The following ITGA9 variants were observed in gnomAD, a reference collection of about 807,000 sequenced individuals.
The protein encoded by ITGA9 is integrin subunit alpha 9.
Under a neutral mutation model 127.8 loss-of-function variants are expected in ITGA9, and 56 were observed. The observed-to-expected ratio is 0.44, with a 90% confidence interval of 0.35 to 0.55. The LOEUF (loss-of-function observed/expected upper bound fraction) is 0.55. ITGA9 is among the 20% of genes least tolerant of loss of function. ITGA9 has a pLI of 0.00. For missense variants in ITGA9, 1,196 were observed against 1,347.1 expected, an observed-to-expected ratio of 0.89 and a Z score of 1.76; for synonymous variants, 508 against 514.5, an observed-to-expected ratio of 0.99 and a Z score of 0.17.
At chr3:37,495,927 A>C (rs903085052) in intron 5 of ITGA9, among the ~76,000 whole-genome samples, 3 of 152,182 alleles carry the variant, frequency 2.0e-5, no homozygotes, top group African/African-American at 7.2e-5. Context: ...ATGGAGGATT[A>C]CAATGTAAAG....
intron 16 of ITGA9, among the ~76,000 whole-genome samples, chr3:37,636,557 A>G (rs1700280823): frequency 6.6e-6 from 1 of 152,266 alleles, no homozygotes; most frequent in South Asian, 2.1e-4. Flanking sequence ...AGTAGGTTGC[A>G]GAAATTTTCT....
chr3:37,474,996 C>T (rs1054497411), intron 3 of ITGA9, among the ~76,000 whole-genome samples: 1 of 152,242 alleles, frequency 6.6e-6, no homozygotes, highest in Admixed American at 6.5e-5. Flanking sequence ...GATGCTGTCG[C>T]CAGCATGGTG....
intron 15 of ITGA9, among the ~76,000 whole-genome samples, chr3:37,585,802 C>CCA (rs1553648616): frequency 2.7e-3 from 403 of 151,902 alleles, no homozygotes; most frequent in African/African-American, 9.3e-3. Context: ...GGGGGCCCCC[C>CCA]CAATTTTAAT....
rs1270642484 is a variant in ITGA9, at chr3:37,793,389, A to AACACACATACACACAC, written c.2889+8318_2889+8319insTACACACACACACACA. ...AGACTTCCACAGCCCCAAACAGGTC[A>AACACACATACACACAC]ACACACACACACACACACACACACA... On this transcript the variant is annotated intron_variant, in intron 26 of 27. Transcript: ENST00000264741. Among the ~76,000 whole-genome samples the AACACACATACACACAC allele has an allele frequency of 4.9e-4, 66 of 134,562 alleles. 1 individual carries two copies. Among genetic ancestry groups the AACACACATACACACAC allele is most frequent in the African/African-American group, 1.6e-3 (60 of 36,692 alleles). 88.3% of individuals were successfully genotyped at this position (134,562 alleles called of 152,430 possible). A position where few individuals can be genotyped will look rare whatever the true frequency, so the allele number is the denominator to read the frequency against.
intron 15 of ITGA9, among the ~76,000 whole-genome samples, chr3:37,612,462 A>G (rs780961457): frequency 3.3e-5 from 5 of 152,196 alleles, no homozygotes; most frequent in South Asian, 2.1e-4. Flanking sequence ...CAACTATAAT[A>G]TAGTGTGTAA....
In ITGA9 at chr3:37,519,329, G is replaced by A; in HGVS notation, c.1211G>A (p.Gly404Asp). 2.5e-6 allele frequency: 4 copies of A among 1,614,028 alleles called. No individual in the cohort carries two copies. In the South Asian group the frequency reaches 4.4e-5, roughly 18 times the overall value. The change falls in exon 11 of 28, where the codon GGT (glycine) becomes GAT (aspartate). Residue 404 changes from glycine to aspartate, a missense_variant. By Grantham distance (94) the Gly-to-Asp change is moderately conservative. Transcript: ENST00000264741. ...GAVYIYHGDA[G>D]GIVPQYSMKL... ...GTCTATATCTATCATGGTGATGCCG[G>A]TGGGATAGTCCCTCAGTACTCAATG...
At chr3:37,602,076 A>G (rs1699927568) in intron 15 of ITGA9, among the ~76,000 whole-genome samples, 6 of 152,202 alleles carry the variant, frequency 3.9e-5, no homozygotes, top group Admixed American at 2.6e-4. Context: ...GCCATTCACA[A>G]TGGATCCGTC....
intron 4 of ITGA9, among the ~76,000 whole-genome samples, chr3:37,486,023 A>G (rs148364744): frequency 1.3e-4 from 20 of 152,376 alleles, no homozygotes; most frequent in Admixed American, 1.2e-3. Context: ...ATTAATTACT[A>G]TTAACCAAGC....
chr3:37,765,091 G>A (rs1288645768), intron 23 of ITGA9, among the ~76,000 whole-genome samples: 1 of 152,152 alleles, frequency 6.6e-6, no homozygotes, highest in Admixed American at 6.5e-5. Context: ...CGAGACCATA[G>A]TGAGTGGTGA....
intron 18 of ITGA9, among the ~76,000 whole-genome samples, chr3:37,708,230 T>A (rs554582716): frequency 1.3e-5 from 2 of 152,212 alleles, no homozygotes; most frequent in South Asian, 4.1e-4. Context: ...GTGGCTCTCA[T>A]CCCCAGCAGG....
At chr3:37,647,127 T>C (rs1267406726) in intron 16 of ITGA9, among the ~76,000 whole-genome samples, 1 of 152,092 alleles carries the variant, frequency 6.6e-6, no homozygotes, top group Non-Finnish European at 1.5e-5. Flanking sequence ...ATTGTTTTTT[T>C]ACCTATTAAA....
chr3:37,533,782 A>G (rs188740885), intron 14 of ITGA9, among the ~76,000 whole-genome samples: 1 of 152,296 alleles, frequency 6.6e-6, no homozygotes, highest in East Asian at 1.9e-4. Flanking sequence ...TAGTGCCCGG[A>G]GCCTGGCCCT....
chr3:37,757,345 C>T lies in ITGA9; in HGVS notation c.2541+6776C>T, dbSNP rs556164206. 7.6e-4 allele frequency among the ~76,000 whole-genome samples: 115 copies of T among 151,890 alleles called. 2 individuals carry two copies. The highest frequency in any genetic ancestry group is 3.4e-3 in the Middle Eastern group (1 of 294). On this transcript the variant is annotated intron_variant, in intron 23 of 27. Transcript: ENST00000264741. Reference sequence around the variant, plus strand: ...AAATACTTTTTAAAGAAGTACCATACTTATATGAAGATTTAAAATTTATAA... The same window carrying T: ...AAATACTTTTTAAAGAAGTACCATATTTATATGAAGATTTAAAATTTATAA...
chr3:37,789,453 C>T (rs1468523229), intron 26 of ITGA9, among the ~76,000 whole-genome samples: 4 of 151,932 alleles, frequency 2.6e-5, no homozygotes, highest in Admixed American at 1.3e-4. Flanking sequence ...TCAGGGAGCT[C>T]AATATATATT....
intron 15 of ITGA9, among the ~76,000 whole-genome samples, chr3:37,563,034 G>C (rs1232372091): frequency 2.0e-5 from 3 of 151,916 alleles, no homozygotes; most frequent in Non-Finnish European, 2.9e-5. Context: ...CAGAGTAATT[G>C]ACATTGACTA....
rs142460335 is a variant in ITGA9 at position 37,812,239 on chromosome 3, C to T, written c.3010-6652C>T. Among the ~76,000 whole-genome samples, 87 of 152,192 alleles carry T rather than the reference C, an allele frequency of 5.7e-4. 2 individuals are homozygous for T. Among genetic ancestry groups the T allele is most frequent in the African/African-American group, 1.5e-3 (64 of 41,522 alleles). Reference sequence around the variant, plus strand: ...GGCTGATGTTGCACTGTCGACATCTCGAGACAGAGACATGCTATGTAAATA... The same window carrying T: ...GGCTGATGTTGCACTGTCGACATCTTGAGACAGAGACATGCTATGTAAATA... On this transcript the variant is annotated intron_variant, in intron 27 of 27. Coordinates refer to ENST00000264741, the MANE Select transcript of ITGA9 (RefSeq NM_002207.3).
chr3:37,585,033 C>T (rs1247466724), intron 15 of ITGA9, among the ~76,000 whole-genome samples: 1 of 152,050 alleles, frequency 6.6e-6, no homozygotes, highest in Non-Finnish European at 1.5e-5. Flanking sequence ...GTGACCATGG[C>T]TCTCTACGGA....
intron 22 of ITGA9, among the ~76,000 whole-genome samples, chr3:37,746,356 A>G (rs1320475865): frequency 6.6e-6 from 1 of 152,194 alleles, no homozygotes; most frequent in African/African-American, 2.4e-5. Context: ...TGCTTTTTAC[A>G]TTTCATCATA....
chr3:37,635,758 C>T (rs1389800546), intron 16 of ITGA9, among the ~76,000 whole-genome samples: 2 of 150,166 alleles, frequency 1.3e-5, no homozygotes, highest in Non-Finnish European at 3.0e-5. Context: ...TTAGGTATAT[C>T]TCCTAATGCT....
Sources: gnomAD v4.1 joint callset for allele counts (sites outside exome capture counted in the v4.1 genomes callset) on GRCh38, gnomAD v4.1.1 for gene constraint, MANE v1.5 for transcripts, NCBI Gene and HGNC (gene_info 2026-07-23, HGNC 2026-07-21) for gene names.